Variants in GUCY1A2 observed in about 807,000 individuals in gnomAD.
GUCY1A2 encodes the protein guanylate cyclase 1 soluble subunit alpha 2.
GUCY1A2 carries 27 observed loss-of-function variants against 63.5 expected under a neutral mutation model. The ratio of observed to expected loss-of-function variants is 0.43; its 90% confidence interval spans 0.31 to 0.59. The LOEUF (loss-of-function observed/expected upper bound fraction) is 0.59, where lower values mean the gene tolerates loss of function less well. GUCY1A2 is among the 20% of genes least tolerant of loss of function. GUCY1A2 has a pLI of 0.11. For synonymous variants in GUCY1A2, 364 were observed against 343.5 expected (o/e 1.06, Z -0.66); for missense variants, 768 against 913.3 (o/e 0.84, Z 2.05).
At chr11:106,938,345 G>A (rs1289588795) in intron 4 of GUCY1A2, among the ~76,000 whole-genome samples, 5 of 152,112 alleles carry the variant, frequency 3.3e-5, no homozygotes, top group African/African-American at 1.2e-4. Context: ...TCAAAAACAA[G>A]TTAAGCGCTG....
At chr11:106,768,481 T>C (rs911485179) in intron 6 of GUCY1A2, among the ~76,000 whole-genome samples, 3 of 152,154 alleles carry the variant, frequency 2.0e-5, no homozygotes, top group African/African-American at 7.2e-5. Flanking sequence ...GATTTGACAA[T>C]ATAAATGTTA....
chr11:106,850,392 A>G (rs181174220), intron 4 of GUCY1A2, among the ~76,000 whole-genome samples: 22 of 151,886 alleles, frequency 1.4e-4, no homozygotes. Context: ...AAAAGACACA[A>G]TAAATTATAG....
intron 4 of GUCY1A2, among the ~76,000 whole-genome samples, chr11:106,848,070 G>A (rs1253623908): frequency 6.6e-6 from 1 of 151,528 alleles, no homozygotes; most frequent in Non-Finnish European, 1.5e-5. Context: ...AGTTTATTAC[G>A]CAGAAATTTG....
chr11:106,945,412 A>AC (rs397727056), intron 3 of GUCY1A2, among the ~76,000 whole-genome samples: 2 of 149,664 alleles, frequency 1.3e-5, no homozygotes, highest in African/African-American at 2.5e-5. Flanking sequence ...AAACAAAAAA[A>AC]CACATTAATC....
chr11:106,927,535 T>C lies in GUCY1A2; in HGVS notation c.1206+11925A>G, dbSNP rs115734410. Among the ~76,000 whole-genome samples, 485 of 152,138 alleles carry C rather than the reference T, an allele frequency of 3.2e-3. 5 individuals carry two copies. The highest frequency in any genetic ancestry group is 0.011 in the African/African-American group (455 of 41,532). Reference sequence around the variant, plus strand: ...ACATTGTACATAAAATAATATATATTATTTCACAGAATAATAAACTCTTGT... The same window carrying C: ...ACATTGTACATAAAATAATATATATCATTTCACAGAATAATAAACTCTTGT... On this transcript the variant is annotated intron_variant, in intron 4 of 7. Transcript: ENST00000526355.
intron 4 of GUCY1A2, among the ~76,000 whole-genome samples, chr11:106,910,719 C>A (rs1860281955): frequency 6.6e-6 from 1 of 152,034 alleles, no homozygotes. Context: ...ATGACTTAGA[C>A]CCACGAAGTC....
At chr11:106,833,397 T>A (rs565764899) in intron 4 of GUCY1A2, among the ~76,000 whole-genome samples, 2 of 152,194 alleles carry the variant, frequency 1.3e-5, no homozygotes, top group East Asian at 3.9e-4. Flanking sequence ...CCGCCTGTGA[T>A]CTAACAGTCC....
intron 6 of GUCY1A2, among the ~76,000 whole-genome samples, chr11:106,733,152 G>A (rs1007173557): frequency 8.5e-5 from 13 of 152,230 alleles, no homozygotes; most frequent in African/African-American, 2.6e-4. Context: ...TATGTATCAC[G>A]GTTTTTTAAA....
intron 4 of GUCY1A2, among the ~76,000 whole-genome samples, chr11:106,823,730 T>C (rs1591291179): frequency 6.6e-6 from 1 of 152,154 alleles, no homozygotes. Context: ...CAAACATCTA[T>C]TGTTTTTCGA....
At chr11:106,926,443 CAA>C (rs1312188621) in intron 4 of GUCY1A2, among the ~76,000 whole-genome samples, 62 of 83,910 alleles carry the variant, frequency 7.4e-4, no homozygotes, top group Non-Finnish European at 5.7e-4. Context: ...ATCTCTGTCT[CAA>C]AAAAAAAAAA....
rs897244104 is a variant in GUCY1A2, at chr11:107,018,225, C to A, written c.-170G>T. 4 of 193,778 alleles carry A rather than the reference C, an allele frequency of 2.1e-5. No homozygotes were observed. Among genetic ancestry groups the A allele is most frequent in the Non-Finnish European group, 4.0e-5 (4 of 99,470 alleles). The allele number at this position is 193,778 out of a possible 1,614,324, so 12.0% of individuals were successfully genotyped here. On this transcript the variant is annotated 5_prime_UTR_variant, in exon 1 of 8. Transcript: ENST00000526355. ...CCCCGGGGCCGCGGAGCCCCCCGAGCCGGCTGCTCATGGCGGGAACTTGGG... is the reference window on the plus strand; with the variant it reads ...CCCCGGGGCCGCGGAGCCCCCCGAGACGGCTGCTCATGGCGGGAACTTGGG...
At chr11:106,693,406 A>G (rs1166320367) in intron 7 of GUCY1A2, among the ~76,000 whole-genome samples, 2 of 151,796 alleles carry the variant, frequency 1.3e-5, no homozygotes, top group East Asian at 3.9e-4. Flanking sequence ...CATCATCATC[A>G]TCGTCGTCTT....
In GUCY1A2 at chr11:106,939,619, C is replaced by G. The variant is rs995691968; in HGVS notation, c.1047G>C (p.Gln349His). The G allele has an allele frequency of 6.2e-7, 1 of 1,613,874 alleles. No homozygotes were observed. Among genetic ancestry groups the G allele is most frequent in the South Asian group, 1.1e-5 (1 of 91,084 alleles). Residue 349 changes from glutamine (Q) to histidine (H), a missense_variant, in exon 4 of 8, where the codon CAG becomes CAC. Gln to His is a conservative substitution (Grantham distance 24). This residue lies in a region of GUCY1A2 where 496 missense variants were observed against 486.9 expected (regional missense o/e 1.02). Transcript: ENST00000526355. ...GCACTTTGTGAGTGTCACATCGAAGCTGCTTCCTTAGACCTTCCCCCAACT... is the reference window on the plus strand; with the variant it reads ...GCACTTTGTGAGTGTCACATCGAAGGTGCTTCCTTAGACCTTCCCCCAACT... ...VLQLGEGLRK[Q>H]LRCDTHKVLK...
chr11:106,989,277 T>C (rs1217615375), intron 1 of GUCY1A2, among the ~76,000 whole-genome samples: 1 of 152,236 alleles, frequency 6.6e-6, no homozygotes, highest in Non-Finnish European at 1.5e-5. Context: ...AAGCAAGTTC[T>C]ATGACTCACT....
intron 6 of GUCY1A2, among the ~76,000 whole-genome samples, chr11:106,716,387 G>A (rs1278367667): frequency 1.3e-5 from 2 of 152,144 alleles, no homozygotes; most frequent in Non-Finnish European, 2.9e-5. Flanking sequence ...AGGAAGTTAT[G>A]TCCTGTTAGT....
chr11:106,795,829 T>G (rs1864748308), intron 5 of GUCY1A2, among the ~76,000 whole-genome samples: 1 of 152,142 alleles, frequency 6.6e-6, no homozygotes, highest in African/African-American at 2.4e-5. Context: ...GAAAACATTT[T>G]CCTAGCAAAC....
intron 4 of GUCY1A2, among the ~76,000 whole-genome samples, chr11:106,817,255 T>C (rs566402568): frequency 2.6e-4 from 39 of 152,216 alleles, no homozygotes; most frequent in African/African-American, 9.1e-4. Context: ...TTAAAACATA[T>C]TGATAGATGT....
chr11:106,852,346 T>C (rs896614225), intron 4 of GUCY1A2, among the ~76,000 whole-genome samples: 2 of 152,094 alleles, frequency 1.3e-5, no homozygotes, highest in African/African-American at 4.8e-5. Context: ...TCCAGTACTA[T>C]GTTGAATAAG....
chr11:106,808,365 G>A (rs142547978), intron 5 of GUCY1A2, among the ~76,000 whole-genome samples: 13 of 152,026 alleles, frequency 8.6e-5, no homozygotes, highest in African/African-American at 2.2e-4. Context: ...ATAATATATA[G>A]GAAAATTTGA....
Sources: gnomAD v4.1 joint callset for allele counts (sites outside exome capture counted in the v4.1 genomes callset) on GRCh38, gnomAD v4.1.1 for gene constraint, gnomAD v4.1.1 regional missense constraint, MANE v1.5 for transcripts, NCBI Gene and HGNC (gene_info 2026-07-23, HGNC 2026-07-21) for gene names.